The following PPP2R2B variants were observed in gnomAD, a reference collection of about 807,000 sequenced individuals.
The protein encoded by PPP2R2B is serine/threonine-protein phosphatase 2A 55 kDa regulatory subunit B beta isoform.
In PPP2R2B, 5 loss-of-function variants were observed where a neutral mutation model predicts 46.0. The observed-to-expected ratio is 0.11, with a 90% CI of 0.06 to 0.23. The LOEUF (loss-of-function observed/expected upper bound fraction) is 0.23. PPP2R2B is among the 10% of genes least tolerant of loss of function. The pLI is 1.00. For missense variants in PPP2R2B, 367 were observed against 575.0 expected (o/e 0.64, Z 3.70); for synonymous variants, 215 against 206.7 (o/e 1.04, Z -0.34).
chr5:146,934,869 A>G (rs1764090502), intron 1 of PPP2R2B, among the ~76,000 whole-genome samples: 1 of 152,028 alleles, frequency 6.6e-6, no homozygotes, highest in East Asian at 1.9e-4. Context: ...GTAAATAAGG[A>G]GGGGTAATCT....
At chr5:146,940,398 C>T (rs994464045) in intron 1 of PPP2R2B, among the ~76,000 whole-genome samples, 4 of 152,018 alleles carry the variant, frequency 2.6e-5, no homozygotes, top group Non-Finnish European at 5.9e-5. Flanking sequence ...GAGAATTTTT[C>T]TCCCTTTTTT....
intron 4 of PPP2R2B, among the ~76,000 whole-genome samples, chr5:146,695,877 G>A (rs1374141807): frequency 6.6e-6 from 1 of 151,744 alleles, no homozygotes; most frequent in African/African-American, 2.4e-5. Context: ...CTCAATATTA[G>A]TATAAAAAAG....
intron 1 of PPP2R2B, among the ~76,000 whole-genome samples, chr5:146,904,518 G>A (rs1216060590): frequency 6.6e-6 from 1 of 152,182 alleles, no homozygotes; most frequent in African/African-American, 2.4e-5. Flanking sequence ...AGTATTGGGA[G>A]CGTGTTCCCC....
intron 1 of PPP2R2B, among the ~76,000 whole-genome samples, chr5:146,985,952 A>G (rs1753410997): frequency 6.6e-6 from 1 of 152,194 alleles, no homozygotes; most frequent in Non-Finnish European, 1.5e-5. Context: ...AGAGAACAGG[A>G]AAAGGTAGAG....
At chr5:146,999,105 C>A (rs1391222465) in intron 1 of PPP2R2B, among the ~76,000 whole-genome samples, 2 of 150,094 alleles carry the variant, frequency 1.3e-5, no homozygotes, top group African/African-American at 2.4e-5. Flanking sequence ...GTTTATTTGG[C>A]TGTGCATTCA....
At chr5:146,851,817 GTC>G (rs1760365597) in intron 2 of PPP2R2B, among the ~76,000 whole-genome samples, 1 of 151,292 alleles carries the variant, frequency 6.6e-6, no homozygotes, top group African/African-American at 2.4e-5. Flanking sequence ...TTTCAAGAGA[GTC>G]TTCATTTTTT....
chr5:146,677,239 G>A (rs1006632423), intron 5 of PPP2R2B, among the ~76,000 whole-genome samples: 12 of 152,120 alleles, frequency 7.9e-5, no homozygotes, highest in East Asian at 1.9e-4. Context: ...GGATGTTTTC[G>A]CATTAAATAG....
intron 2 of PPP2R2B, among the ~76,000 whole-genome samples, chr5:146,830,266 G>A (rs186890389): frequency 5.3e-4 from 80 of 152,272 alleles, no homozygotes; most frequent in Admixed American, 1.3e-3. Context: ...ATAGGAATGT[G>A]ATAAGTAAAC....
At chr5:146,893,952 A>T (rs149453581) in intron 1 of PPP2R2B, among the ~76,000 whole-genome samples, 1,726 of 151,314 alleles carry the variant, frequency 0.011, 32 homozygotes, top group African/African-American at 0.04. Context: ...AGGCTGAGGC[A>T]TGAGAATTGC....
At chr5:146,887,809 G>T (rs781779644) in intron 1 of PPP2R2B, among the ~76,000 whole-genome samples, 1 of 152,094 alleles carries the variant, frequency 6.6e-6, no homozygotes, top group Non-Finnish European at 1.5e-5. Flanking sequence ...AACCAATGAA[G>T]GTGGAGAAAT....
Position 146,691,233 on chromosome 5 carries a change from A to C in PPP2R2B, c.342T>G (p.Thr114=). ...AYFLLSTNDK[T]VKLWKVSERD... The stretch of plus-strand genomic sequence containing the variant: ...GCTCGCTGACTTTCCACAGCTTCAC[A>C]GTTTTATCTGTAGTGGGCAACCAGA... The change falls in exon 5 of 10, where the codon ACT becomes ACG. Residue 114 remains threonine (T), a synonymous_variant. Coordinates refer to ENST00000394411, the MANE Select transcript of PPP2R2B (RefSeq NM_181675.4). The C allele has an allele frequency of 6.2e-7, 1 of 1,613,954 alleles. No individual in the cohort carries two copies. The highest frequency in any genetic ancestry group is 1.3e-5 in the African/African-American group (1 of 75,048).
At chr5:147,075,293 T>C (rs1757730696) in intron 2 of PPP2R2B, among the ~76,000 whole-genome samples, 1 of 152,178 alleles carries the variant, frequency 6.6e-6, no homozygotes, top group Non-Finnish European at 1.5e-5. Context: ...TGTGTAAGTG[T>C]CTTGCAATAA....
intron 5 of PPP2R2B, among the ~76,000 whole-genome samples, chr5:146,658,682 T>A (rs535426641): frequency 4.9e-4 from 75 of 152,326 alleles, no homozygotes; most frequent in Admixed American, 8.5e-4. Flanking sequence ...GCCTAGGTTC[T>A]CCTTCTTCCT....
intron 2 of PPP2R2B, among the ~76,000 whole-genome samples, chr5:146,713,936 C>T (rs1048590348): frequency 6.6e-6 from 1 of 151,958 alleles, no homozygotes; most frequent in Non-Finnish European, 1.5e-5. Context: ...GGGGATTGAG[C>T]TGGTGATATA....
chr5:146,686,095 A>G (rs941166223), intron 5 of PPP2R2B, among the ~76,000 whole-genome samples: 6 of 152,106 alleles, frequency 3.9e-5, no homozygotes, highest in African/African-American at 1.4e-4. Context: ...TAGCCATGAG[A>G]TTTTGGGCAA....
At chr5:146,886,375 A>AAATAAATAAATAACAAAG (rs59092209) in intron 1 of PPP2R2B, among the ~76,000 whole-genome samples, 1 of 149,890 alleles carries the variant, frequency 6.7e-6, no homozygotes, top group Non-Finnish European at 1.5e-5. Flanking sequence ...AAATAATAAA[A>AAATAAATAAATAACAAAG]CTAAAATAAA....
chr5:146,886,494 A>G (rs1163956678), intron 1 of PPP2R2B, among the ~76,000 whole-genome samples: 3 of 152,150 alleles, frequency 2.0e-5, no homozygotes, highest in Admixed American at 6.5e-5. Flanking sequence ...AGATATCAAT[A>G]CAGCTGTTAT....
chr5:146,628,543 C>T (rs979785905), intron 7 of PPP2R2B, among the ~76,000 whole-genome samples: 2 of 152,206 alleles, frequency 1.3e-5, no homozygotes, highest in African/African-American at 4.8e-5. Context: ...CCTTCTCTGG[C>T]CAGATTCAGC....
intron 2 of PPP2R2B, among the ~76,000 whole-genome samples, chr5:146,810,099 T>G (rs1757431519): frequency 6.6e-6 from 1 of 152,198 alleles, no homozygotes; most frequent in Non-Finnish European, 1.5e-5. Flanking sequence ...ATTCATAATT[T>G]GCAAGCCTGA....
Sources: gnomAD v4.1 joint callset for allele counts (sites outside exome capture counted in the v4.1 genomes callset) on GRCh38, gnomAD v4.1.1 for gene constraint, MANE v1.5 for transcripts, NCBI Gene and HGNC (gene_info 2026-07-23, HGNC 2026-07-21) for gene names.